Variants in ELK4 observed in about 807,000 individuals in gnomAD.
ELK4 encodes the protein ETS domain-containing protein Elk-4.
In ELK4, 16 loss-of-function variants were observed where a neutral mutation model predicts 29.6. The observed-to-expected ratio is 0.54, with a 90% confidence interval of 0.37 to 0.82. The LOEUF (loss-of-function observed/expected upper bound fraction) is 0.82, where lower values mean the gene tolerates loss of function less well. Ranked by LOEUF, ELK4 falls within the 40% of genes least tolerant of loss-of-function variation. The probability of loss-of-function intolerance (pLI) is 0.00; values close to 1 mark genes in which losing one functional copy is unlikely to be tolerated. For missense variants in ELK4, 465 were observed against 507.1 expected (o/e 0.92, Z 0.80); for synonymous variants, 213 against 191.1 (o/e 1.11, Z -0.95).
chr1:205,621,193 TAAAAAAAAAA>T (rs61338827), intron 2 of ELK4, among the ~76,000 whole-genome samples: 1 of 77,452 alleles, frequency 1.3e-5, no homozygotes, highest in South Asian at 4.6e-4. Context: ...GAGTCTGTCT[TAAAAAAAAAA>T]AAAAAAAAAA....
At chr1:205,626,357 TTTC>T (rs1670462161) in intron 1 of ELK4, among the ~76,000 whole-genome samples, 1 of 152,208 alleles carries the variant, frequency 6.6e-6, no homozygotes. Context: ...TTTCTTCCCC[TTTC>T]TCTGCCCGCC....
rs1670217689 is a variant in ELK4 at position 205,615,471 on chromosome 1, T to C, written c.*1075A>G. On this transcript the variant is annotated 3_prime_UTR_variant, in exon 5 of 5. Transcript: ENST00000357992. ...GGAGGCTTCACTTTGAATTCTACCT[T>C]CCTAACTGCATCTTTAAAACTATCA... is the stretch of plus-strand genomic sequence containing the variant. The C allele has an allele frequency of 5.7e-6, 1 of 175,780 alleles. No homozygotes were observed. The highest frequency in any genetic ancestry group is 1.2e-5 in the Non-Finnish European group (1 of 81,826). 10.9% of individuals were successfully genotyped at this position (175,780 alleles called of 1,614,324 possible). A position where few individuals can be genotyped will look rare whatever the true frequency, so the allele number is the denominator to read the frequency against.
In ELK4 at chr1:205,620,617, G is replaced by C. The variant is rs1342188947; in HGVS notation, c.429C>G (p.His143Gln). 1 of 1,614,214 alleles carries C rather than the reference G, an allele frequency of 6.2e-7. No individual in the cohort carries two copies. The change falls in exon 3 of 5, where the codon CAC becomes CAG. Residue 143 changes from histidine to glutamine, a missense_variant. His to Gln is a conservative substitution (Grantham distance 24, BLOSUM62 0). Coordinates refer to ENST00000357992, the MANE Select transcript of ELK4 (RefSeq NM_001973.4). ...GAGTAAATGAAGAATATAAGCCAGA[G>C]TGTATGTAGTCATTGCGGCTAGAGG... ...AKTSSRNDYIHSGLYSSFTLN... is the reference protein window; with the variant it reads ...AKTSSRNDYIQSGLYSSFTLN...
chr1:205,623,901 T>C lies in ELK4; in HGVS notation c.-9-10A>G, dbSNP rs1334089998. 1.6e-5 allele frequency: 26 copies of C among 1,612,302 alleles called. No homozygotes were observed. Among genetic ancestry groups the C allele is most frequent in the Non-Finnish European group, 2.1e-5 (25 of 1,178,564 alleles). On this transcript the variant is annotated splice_polypyrimidine_tract_variant and intron_variant, in intron 1 of 4. Coordinates refer to ENST00000357992, the MANE Select transcript of ELK4 (RefSeq NM_001973.4). ...TGTCCATAGCAATGAGCTGAAAGAA[T>C]ATAGATAAGATATGTGATAATATTA...
rs1670228540 is a variant in ELK4 at position 205,616,134 on chromosome 1, A to G, written c.*412T>C. ...CATTTCACAAATATTTCTTTAAATAATAGATTCTAAGCATAATTTTTCCTG... is the reference window on the plus strand; with the variant it reads ...CATTTCACAAATATTTCTTTAAATAGTAGATTCTAAGCATAATTTTTCCTG... On this transcript the variant is annotated 3_prime_UTR_variant, in exon 5 of 5. Coordinates refer to ENST00000357992, the MANE Select transcript of ELK4 (RefSeq NM_001973.4). 2.1e-5 allele frequency: 5 copies of G among 241,418 alleles called. No individual in the cohort carries two copies. The East Asian group carries it at 3.0e-4, about 14-fold the overall frequency. The allele number at this position is 241,418 out of a possible 1,614,324, so 15.0% of individuals were successfully genotyped here. A position where few individuals can be genotyped will look rare whatever the true frequency, so the allele number is the denominator to read the frequency against.
In ELK4 at chr1:205,619,953, G is replaced by A; in HGVS notation, c.1080+13C>T. ...GAAAGCAATGGTGACACCATAAAGA[G>A]CGAGCAAGCTACCTGTGAAAAAAAT... is the stretch of plus-strand genomic sequence containing the variant. On this transcript the variant is annotated intron_variant, in intron 3 of 4. Transcript: ENST00000357992. The A allele has an allele frequency of 6.2e-7, 1 of 1,614,200 alleles. No homozygotes were observed. The highest frequency in any genetic ancestry group is 8.5e-7 in the Non-Finnish European group (1 of 1,180,040).
intron 1 of ELK4, chr1:205,626,219 T>A (rs1056132291): frequency 9.1e-6 from 5 of 551,638 alleles, no homozygotes; most frequent in Admixed American, 7.0e-5. Flanking sequence ...TTTCTTGACC[T>A]CCTCCTCCAA....
At chr1:205,622,556 CTG>C (rs1408327722) in intron 2 of ELK4, among the ~76,000 whole-genome samples, 1 of 152,050 alleles carries the variant, frequency 6.6e-6, no homozygotes, top group Non-Finnish European at 1.5e-5. Flanking sequence ...CCGCGCCACA[CTG>C]TTTTTTGTAG....
At chr1:205,627,254 A>G (rs1670483926) in intron 1 of ELK4, among the ~76,000 whole-genome samples, 1 of 152,232 alleles carries the variant, frequency 6.6e-6, no homozygotes, top group Non-Finnish European at 1.5e-5. Context: ...TCACGCCTGT[A>G]ATCCCAGCAC....
At position 205,616,516 on chromosome 1, in the gene ELK4, C is replaced by A. The variant is rs769290825; in HGVS notation, c.*30G>T. Reference sequence around the variant, plus strand: ...ATGTTGAATGTCTGTTTCTTCGTTCCTCGGTTCTCTCATTCCACAAGTGCA... The same window carrying A: ...ATGTTGAATGTCTGTTTCTTCGTTCATCGGTTCTCTCATTCCACAAGTGCA... On this transcript the variant is annotated 3_prime_UTR_variant, in exon 5 of 5. Transcript: ENST00000357992. The A allele has an allele frequency of 1.9e-6, 3 of 1,586,070 alleles. No individual in the cohort carries two copies. In the Admixed American group the frequency reaches 5.0e-5, roughly 27 times the overall value.
chr1:205,619,915 AG>A, intron 3 of ELK4, 50 bp downstream of exon 3: 1 of 1,614,228 alleles, frequency 6.2e-7, no homozygotes, highest in Non-Finnish European at 8.5e-7. Context: ...TTTGCTTAAA[AG>A]GGCAAATAAA....
chr1:205,617,295 T>C (rs1217311354), intron 4 of ELK4, among the ~76,000 whole-genome samples: 1 of 152,186 alleles, frequency 6.6e-6, no homozygotes, highest in Non-Finnish European at 1.5e-5. Flanking sequence ...TTCCTCTTTT[T>C]CCCTACCATT....
intron 1 of ELK4, among the ~76,000 whole-genome samples, chr1:205,627,198 T>TC (rs1160374265): frequency 6.6e-6 from 1 of 151,906 alleles, no homozygotes; most frequent in East Asian, 1.9e-4. Flanking sequence ...CAGGGTTTCT[T>TC]TTGGGGGTGA....
At chr1:205,621,430 A>G (rs539420787) in intron 2 of ELK4, among the ~76,000 whole-genome samples, 9 of 152,314 alleles carry the variant, frequency 5.9e-5, no homozygotes, top group South Asian at 2.1e-4. Context: ...TCTCAACCAA[A>G]TATCTGTGCA....
chr1:205,623,403 G>A (rs1404677725), intron 2 of ELK4, among the ~76,000 whole-genome samples: 2 of 148,952 alleles, frequency 1.3e-5, no homozygotes, highest in African/African-American at 2.5e-5. Flanking sequence ...TCCGCCTCCC[G>A]GGTTCAAACG....
intron 1 of ELK4, among the ~76,000 whole-genome samples, chr1:205,629,262 G>A (rs543999951): frequency 3.8e-4 from 57 of 151,978 alleles, no homozygotes; most frequent in African/African-American, 1.3e-3. Context: ...ATATAAAGTG[G>A]ACATTTTCAC....
At chr1:205,625,526 C>T (rs888341099) in intron 1 of ELK4, 12 of 764,690 alleles carry the variant, frequency 1.6e-5, no homozygotes, top group Middle Eastern at 2.4e-4. Flanking sequence ...AAGAAACGGG[C>T]GGCTCCGAGA....
At chr1:205,619,800 C>A in intron 3 of ELK4, 166 bp downstream of exon 3, 1 of 1,528,628 alleles carries the variant, frequency 6.5e-7, no homozygotes, top group South Asian at 1.3e-5. Flanking sequence ...TTTAGCAATC[C>A]TAATTAAGAT....
Position 205,610,166 on chromosome 1 carries a change from C to T in ELK4, c.*6380G>A, listed in dbSNP as rs112746825. On this transcript the variant is annotated 3_prime_UTR_variant, in exon 5 of 5. Transcript: ENST00000357992. ...CTGGGCCAGCCACAGGAAACCCCCA[C>T]CTCCTCCCCGACCCCATCCAGAAGA... is the stretch of plus-strand genomic sequence containing the variant. 1.7e-3 allele frequency: 398 copies of T among 232,196 alleles called. 1 individual carries two copies. Among genetic ancestry groups the T allele is most frequent in the African/African-American group, 8.3e-3 (379 of 45,430 alleles). The allele number at this position is 232,196 out of a possible 1,614,324, so 14.4% of individuals were successfully genotyped here. A position where few individuals can be genotyped will look rare whatever the true frequency, so the allele number is the denominator to read the frequency against.
Sources: gnomAD v4.1 joint callset for allele counts (sites outside exome capture counted in the v4.1 genomes callset) on GRCh38, gnomAD v4.1.1 for gene constraint, MANE v1.5 for transcripts, NCBI Gene and HGNC (gene_info 2026-07-23, HGNC 2026-07-21) for gene names.